Variants in UNC13C observed in about 807,000 individuals in gnomAD.
UNC13C encodes protein unc-13 homolog C.
A neutral mutation model predicts 245.4 loss-of-function variants in UNC13C; 174 were observed. That is an observed-to-expected ratio of 0.71 (90% CI 0.63 to 0.80). The LOEUF is 0.80. Ranked by LOEUF, UNC13C falls within the 30% of genes least tolerant of loss-of-function variation. The probability of loss-of-function intolerance (pLI) is 0.00; values close to 1 mark genes in which losing one functional copy is unlikely to be tolerated. For missense variants in UNC13C, 2,829 were observed against 2,602.9 expected, an observed-to-expected ratio of 1.09 and a Z score of -1.89; for synonymous variants, 992 against 895.1, an observed-to-expected ratio of 1.11 and a Z score of -1.93.
the UNC13C span, among the ~76,000 whole-genome samples, chr15:53,958,054 G>A: frequency 6.6e-6 from 1 of 152,048 alleles, no homozygotes; most frequent in Admixed American, 6.6e-5. Context: ...CTTTAAAAGA[G>A]GTAATCAAAC....
At chr15:54,411,306 T>C (rs2140945070) in intron 18 of UNC13C, among the ~76,000 whole-genome samples, 1 of 152,314 alleles carries the variant, frequency 6.6e-6, no homozygotes, top group African/African-American at 2.4e-5. Flanking sequence ...GTTTTTGTTT[T>C]CTCAACAGTG....
chr15:54,158,268 C>G (rs2032833548), intron 4 of UNC13C, among the ~76,000 whole-genome samples: 1 of 152,218 alleles, frequency 6.6e-6, no homozygotes, highest in African/African-American at 2.4e-5. Context: ...TGAATGAATA[C>G]CTGGCAGATG....
intron 2 of UNC13C, among the ~76,000 whole-genome samples, chr15:54,097,615 T>C (rs1291397082): frequency 6.6e-6 from 1 of 152,208 alleles, no homozygotes; most frequent in Non-Finnish European, 1.5e-5. Context: ...AATAACTTAA[T>C]TATCTTTGTA....
chr15:54,249,480 A>AAGCT lies in UNC13C; in HGVS notation c.3229-744_3229-741dup, dbSNP rs571892799. Among the ~76,000 whole-genome samples, 232 of 152,264 alleles carry AAGCT rather than the reference A, an allele frequency of 1.5e-3. 1 individual carries two copies. The highest frequency in any genetic ancestry group is 2.5e-3 in the Non-Finnish European group (171 of 68,030). ...TCTACTATGTTCCAGGGACAGTGAT[A>AAGCT]AGCTGTTCAGGCACTAAGAAGAAAA... On this transcript the variant is annotated intron_variant, in intron 7 of 32. Coordinates refer to ENST00000260323, the MANE Select transcript of UNC13C (RefSeq NM_001080534.3).
chr15:54,461,473 C>A (rs1891840725), intron 19 of UNC13C, among the ~76,000 whole-genome samples: 1 of 152,052 alleles, frequency 6.6e-6, no homozygotes, highest in East Asian at 1.9e-4. Context: ...TGTCATCTAG[C>A]AAAATATTTT....
At chr15:54,085,176 A>C (rs559482489) in intron 2 of UNC13C, among the ~76,000 whole-genome samples, 1 of 152,280 alleles carries the variant, frequency 6.6e-6, no homozygotes, top group Non-Finnish European at 1.5e-5. Flanking sequence ...ATATCAGAGA[A>C]CTAAGAAGCT....
intron 18 of UNC13C, among the ~76,000 whole-genome samples, chr15:54,398,537 C>T (rs1189553961): frequency 6.6e-6 from 1 of 151,046 alleles, no homozygotes; most frequent in Non-Finnish European, 1.5e-5. Flanking sequence ...ATTTTCTTTT[C>T]TGAATTTTTG....
intron 26 of UNC13C, among the ~76,000 whole-genome samples, chr15:54,536,344 G>A (rs543926856): frequency 6.6e-6 from 1 of 151,848 alleles, no homozygotes; most frequent in South Asian, 2.1e-4. Context: ...AATAATAAAA[G>A]CCTACCAACC....
the UNC13C span, among the ~76,000 whole-genome samples, chr15:53,969,039 C>T: frequency 6.6e-6 from 1 of 152,104 alleles, no homozygotes; most frequent in South Asian, 2.1e-4. Flanking sequence ...TGTGTTTGCA[C>T]CTCTGTTTTA....
At chr15:53,922,104 A>G in the UNC13C span, among the ~76,000 whole-genome samples, 1 of 152,218 alleles carries the variant, frequency 6.6e-6, no homozygotes, top group Non-Finnish European at 1.5e-5. Flanking sequence ...TGAAATTTAA[A>G]TACCATGATA....
chr15:54,257,697 T>TC (rs1386394298), intron 8 of UNC13C, among the ~76,000 whole-genome samples: 3 of 152,166 alleles, frequency 2.0e-5, no homozygotes, highest in Admixed American at 2.0e-4. Flanking sequence ...TCTGTGATCC[T>TC]CCAATTACCT....
the UNC13C span, chr15:53,913,551 C>G: frequency 6.6e-6 from 1 of 152,294 alleles, no homozygotes; most frequent in East Asian, 1.9e-4. Context: ...CTACAATCAT[C>G]AGGCAGACAA....
chr15:54,280,582 G>A (rs1567156473), intron 10 of UNC13C, among the ~76,000 whole-genome samples: 1 of 147,052 alleles, frequency 6.8e-6, no homozygotes, highest in Non-Finnish European at 1.5e-5. Flanking sequence ...AAAACCCATT[G>A]TCTCTCTCTC....
chr15:54,087,951 T>C (rs571598438), intron 2 of UNC13C, among the ~76,000 whole-genome samples: 35 of 152,272 alleles, frequency 2.3e-4, no homozygotes, highest in Admixed American at 2.0e-3. Flanking sequence ...AGAACAAAAC[T>C]AGTCAACATG....
chr15:53,978,444 A>G lies in UNC13C; in HGVS notation c.-740A>G, dbSNP rs937022719. The stretch of plus-strand genomic sequence containing the variant: ...TCGCAGTGCCGGTGCTGCATTCAGA[A>G]AAGACTCAGCCGCAGCCGGCGATGT... On this transcript the variant is annotated 5_prime_UTR_variant, in exon 1 of 33. Coordinates refer to ENST00000260323, the MANE Select transcript of UNC13C (RefSeq NM_001080534.3). Among the ~76,000 whole-genome samples the G allele has an allele frequency of 2.0e-5, 3 of 152,056 alleles. No homozygotes were observed. Among genetic ancestry groups the G allele is most frequent in the African/African-American group, 7.2e-5 (3 of 41,396 alleles).
At chr15:54,606,454 C>T (rs1028476686) in intron 30 of UNC13C, among the ~76,000 whole-genome samples, 1 of 152,098 alleles carries the variant, frequency 6.6e-6, no homozygotes, top group Non-Finnish European at 1.5e-5. Context: ...TTAGGGGAAC[C>T]TAGGGAGTCA....
intron 13 of UNC13C, among the ~76,000 whole-genome samples, chr15:54,304,495 C>G (rs2037671633): frequency 6.6e-6 from 1 of 151,930 alleles, no homozygotes. Flanking sequence ...TTTAGACAGG[C>G]TTCTTTCTGC....
At chr15:54,246,415 T>TC (rs199605451) in intron 7 of UNC13C, among the ~76,000 whole-genome samples, 1 of 116,298 alleles carries the variant, frequency 8.6e-6, no homozygotes, top group African/African-American at 3.4e-5. Context: ...AAAATAATGT[T>TC]TTTTTTTTTT....
At chr15:54,582,714 C>T (rs1162092409) in intron 30 of UNC13C, among the ~76,000 whole-genome samples, 2 of 152,110 alleles carry the variant, frequency 1.3e-5, no homozygotes, top group Non-Finnish European at 2.9e-5. Context: ...ATCAGTGTGC[C>T]TATGAACTGG....
Sources: gnomAD v4.1 joint callset for allele counts (sites outside exome capture counted in the v4.1 genomes callset) on GRCh38, gnomAD v4.1.1 for gene constraint, MANE v1.5 for transcripts, NCBI Gene and HGNC (gene_info 2026-07-23, HGNC 2026-07-21) for gene names.